JDP2: variants seen among roughly 807,000 people sequenced by gnomAD.
The protein encoded by JDP2 is progesterone receptor co-activator.
Under a neutral mutation model 17.1 loss-of-function variants are expected in JDP2, and 9 were observed. That is an observed-to-expected ratio of 0.53 (90% CI 0.32 to 0.92). The LOEUF (loss-of-function observed/expected upper bound fraction) is 0.92, where lower values mean the gene tolerates loss of function less well. Ranked by LOEUF, JDP2 falls within the 40% of genes least tolerant of loss-of-function variation. The pLI, the probability that JDP2 is intolerant of heterozygous loss-of-function variation, is 0.04. For synonymous variants in JDP2, 107 were observed against 95.6 expected, an observed-to-expected ratio of 1.12 and a Z score of -0.69; for missense variants, 179 against 220.0, an observed-to-expected ratio of 0.81 and a Z score of 1.18.
intron 2 of JDP2, among the ~76,000 whole-genome samples, chr14:75,458,369 T>A (rs866374082): frequency 1.3e-5 from 2 of 152,200 alleles, no homozygotes; most frequent in South Asian, 4.1e-4. Flanking sequence ...CCTCTCTGTG[T>A]GTCCGTGTGT....
intron 2 of JDP2, among the ~76,000 whole-genome samples, chr14:75,449,538 T>C (rs1480012687): frequency 1.3e-5 from 2 of 152,178 alleles, no homozygotes; most frequent in Non-Finnish European, 2.9e-5. Context: ...TCACCAGTCT[T>C]TTGGGGGTGA....
intron 2 of JDP2, among the ~76,000 whole-genome samples, chr14:75,450,479 C>G (rs924493969): frequency 2.0e-5 from 3 of 152,218 alleles, no homozygotes; most frequent in Admixed American, 2.0e-4. Flanking sequence ...GCTTATCCAC[C>G]CGTGCCCCCA....
At chr14:75,467,199 C>T (rs1330171372) in intron 3 of JDP2, among the ~76,000 whole-genome samples, 1 of 152,162 alleles carries the variant, frequency 6.6e-6, no homozygotes, top group Non-Finnish European at 1.5e-5. Flanking sequence ...AGTAGTTTTC[C>T]CTTCTAAACC....
intron 2 of JDP2, among the ~76,000 whole-genome samples, chr14:75,452,794 C>T (rs980675394): frequency 1.5e-4 from 23 of 152,184 alleles, no homozygotes; most frequent in African/African-American, 5.5e-4. Context: ...TTGCTTGACC[C>T]CTGAGGTGAT....
intron 3 of JDP2, among the ~76,000 whole-genome samples, chr14:75,463,370 T>C (rs1232389711): frequency 2.0e-5 from 3 of 152,256 alleles, no homozygotes; most frequent in Non-Finnish European, 4.4e-5. Flanking sequence ...AGTGGTGGGC[T>C]TGGATGTATT....
chr14:75,467,920 C>T (rs551913906), intron 3 of JDP2, among the ~76,000 whole-genome samples: 4 of 152,224 alleles, frequency 2.6e-5, no homozygotes, highest in Non-Finnish European at 4.4e-5. Flanking sequence ...GAGGCCTGCC[C>T]GTCTCAGAGT....
At position 75,444,997 on chromosome 14, in the gene JDP2, G is replaced by A. The variant is rs763822572; in HGVS notation, c.201+6876G>A. 171 of 555,986 alleles carry A rather than the reference G, an allele frequency of 3.1e-4. 1 individual carries two copies. The highest frequency in any genetic ancestry group is 3.5e-4 in the Non-Finnish European group (154 of 438,320). 34.4% of individuals were successfully genotyped at this position (555,986 alleles called of 1,614,324 possible). On this transcript the variant is annotated intron_variant, in intron 2 of 3. Transcript: ENST00000651602. Reference sequence around the variant, plus strand: ...TGTTTCCTGTGGTGTTAATGTCATCGTTGTATTCCCATCAACCAACAATCT... The same window carrying A: ...TGTTTCCTGTGGTGTTAATGTCATCATTGTATTCCCATCAACCAACAATCT...
chr14:75,441,811 C>G (rs976566265), intron 2 of JDP2, among the ~76,000 whole-genome samples: 1 of 152,212 alleles, frequency 6.6e-6, no homozygotes, highest in Non-Finnish European at 1.5e-5. Flanking sequence ...CCCCTCACAG[C>G]TGGACTCCTC....
intron 3 of JDP2, among the ~76,000 whole-genome samples, chr14:75,463,796 C>G (rs1457212841): frequency 1.3e-5 from 2 of 152,144 alleles, no homozygotes; most frequent in African/African-American, 4.8e-5. Flanking sequence ...ATGCTAGATG[C>G]TGGGTTGCCT....
chr14:75,427,889 C>T (rs1000162992), upstream of JDP2: 1 of 152,008 alleles, frequency 6.6e-6, no homozygotes, highest in African/African-American at 2.4e-5. This position sits in a 1 kb window ranked among gnomAD's most constrained non-coding sequence, Gnocchi z 4.4. Context: ...CCCCCTCCTC[C>T]CCGGTCCCCT....
intron 1 of JDP2, chr14:75,432,346 G>T (rs573259811): frequency 5.2e-5 from 81 of 1,551,212 alleles, no homozygotes; most frequent in Admixed American, 4.9e-4. Context: ...GGTACTATGC[G>T]CCATGACCCC....
intron 2 of JDP2, among the ~76,000 whole-genome samples, chr14:75,454,101 C>T (rs778720311): frequency 7.2e-5 from 11 of 152,018 alleles, no homozygotes; most frequent in Non-Finnish European, 1.6e-4. Flanking sequence ...GTGGAAATGC[C>T]GCGCCACCTG....
At chr14:75,467,330 G>T (rs941005557) in intron 3 of JDP2, among the ~76,000 whole-genome samples, 2 of 152,122 alleles carry the variant, frequency 1.3e-5, no homozygotes, top group East Asian at 3.9e-4. Flanking sequence ...GGTCAGACCC[G>T]CTCTTTAGCC....
chr14:75,438,388 G>C (rs1345557133), intron 2 of JDP2, among the ~76,000 whole-genome samples: 2 of 152,108 alleles, frequency 1.3e-5, no homozygotes, highest in African/African-American at 4.8e-5. Context: ...CTGGTTCTCT[G>C]GGGGGCGGTG....
At chr14:75,468,092 C>CT (rs1224231478) in intron 3 of JDP2, among the ~76,000 whole-genome samples, 4 of 152,166 alleles carry the variant, frequency 2.6e-5, no homozygotes, top group African/African-American at 9.7e-5. Context: ...GCCAGGAGGA[C>CT]TGGCAGGCTT....
At chr14:75,448,642 T>C (rs1219321656) in intron 2 of JDP2, among the ~76,000 whole-genome samples, 1 of 152,228 alleles carries the variant, frequency 6.6e-6, no homozygotes, top group East Asian at 1.9e-4. Context: ...ACCAGTTATT[T>C]CCATGTCTTG....
chr14:75,437,631 TGTTGCCTATGATTGGGTCAA>T, intron 1 of JDP2, among the ~76,000 whole-genome samples: 1 of 152,338 alleles, frequency 6.6e-6, no homozygotes, highest in South Asian at 2.1e-4. Context: ...GCTGAATACA[TGTTGCCTATGATTGGGTCAA>T]GCATTGCCTT....
chr14:75,444,993 C>G lies in JDP2; in HGVS notation c.201+6872C>G, dbSNP rs1169779874. The G allele has an allele frequency of 5.8e-6, 3 of 515,500 alleles. No individual in the cohort carries two copies. The African/African-American group carries it at 6.3e-5, about 11-fold the overall frequency. The allele number at this position is 515,500 out of a possible 1,614,324, so 31.9% of individuals were successfully genotyped here. A position where few individuals can be genotyped will look rare whatever the true frequency, so the allele number is the denominator to read the frequency against. On this transcript the variant is annotated intron_variant, in intron 2 of 3. Transcript: ENST00000651602. ...ATCTTGTTTCCTGTGGTGTTAATGT[C>G]ATCGTTGTATTCCCATCAACCAACA... is the stretch of plus-strand genomic sequence containing the variant.
chr14:75,467,158 T>C (rs1886599067), intron 3 of JDP2, among the ~76,000 whole-genome samples: 1 of 152,166 alleles, frequency 6.6e-6, no homozygotes, highest in Non-Finnish European at 1.5e-5. Flanking sequence ...TCTACCCTAC[T>C]AAGTCCTAAA....
Sources: gnomAD v4.1 joint callset for allele counts (sites outside exome capture counted in the v4.1 genomes callset) on GRCh38, gnomAD v4.1.1 for gene constraint, Gnocchi (gnomAD v3.1) non-coding constraint, MANE v1.5 for transcripts, NCBI Gene and HGNC (gene_info 2026-07-23, HGNC 2026-07-21) for gene names.